PARP11: variants seen among roughly 807,000 people sequenced by gnomAD.
PARP11 encodes the protein poly(ADP-ribose) polymerase family member 11, also known as protein mono-ADP-ribosyltransferase PARP11.
Under a neutral mutation model 42.9 loss-of-function variants are expected in PARP11, and 31 were observed. The observed-to-expected ratio is 0.72, with a 90% CI of 0.54 to 0.98. PARP11 has a LOEUF of 0.98. PARP11 is among the 50% of genes least tolerant of loss of function. PARP11 has a pLI of 0.00. For missense variants in PARP11, 365 were observed against 413.1 expected, an observed-to-expected ratio of 0.88 and a Z score of 1.01; for synonymous variants, 137 against 127.3, an observed-to-expected ratio of 1.08 and a Z score of -0.51.
At chr12:3,838,453 T>A (rs1265193185) in intron 1 of PARP11, among the ~76,000 whole-genome samples, 1 of 151,824 alleles carries the variant, frequency 6.6e-6, no homozygotes, top group Admixed American at 6.6e-5. Context: ...ACAAAAGCAG[T>A]ACTAAAAGAG....
chr12:3,861,569 T>C lies in PARP11; in HGVS notation c.18+11643A>G, dbSNP rs1948291426. Among the ~76,000 whole-genome samples the C allele has an allele frequency of 6.6e-6, 1 of 152,242 alleles. No individual in the cohort carries two copies. Among genetic ancestry groups the C allele is most frequent in the Admixed American group, 6.5e-5 (1 of 15,286 alleles). ...GTTCTTAATATATTCTATGTACAAGTCATTTATCAGATATATGCTTTTTAA... is the reference window on the plus strand; with the variant it reads ...GTTCTTAATATATTCTATGTACAAGCCATTTATCAGATATATGCTTTTTAA... On this transcript the variant is annotated intron_variant, in intron 1 of 7. Transcript: ENST00000228820. This position sits in a 1 kb window ranked among gnomAD's most constrained non-coding sequence, Gnocchi z 4.6.
chr12:3,858,634 C>CAA (rs1948235559), intron 1 of PARP11, among the ~76,000 whole-genome samples: 1 of 152,210 alleles, frequency 6.6e-6, no homozygotes, highest in African/African-American at 2.4e-5. Flanking sequence ...CAAAACACAG[C>CAA]ATCATAGGTG....
Position 3,814,048 on chromosome 12 carries a change from A to G in PARP11, c.689T>C (p.Val230Ala), listed in dbSNP as rs775879028. 36 of 1,558,128 alleles carry G rather than the reference A, an allele frequency of 2.3e-5. No homozygotes were observed. Among genetic ancestry groups the G allele is most frequent in the Non-Finnish European group, 3.1e-5 (36 of 1,145,914 alleles). The change falls in exon 7 of 8, where the codon GTC becomes GCC. Residue 230 changes from valine to alanine, a missense_variant. Coordinates refer to ENST00000228820, the MANE Select transcript of PARP11 (RefSeq NM_020367.6). ...DWRINGIHGA[V>A]FGKGTYFARD... is the part of the protein sequence containing the mutation. ...ATTCTGATAATTACCTTTTCCAAAG[A>G]CAGCACCATGTATACCATTTATTCT...
At chr12:3,841,511 T>C in intron 1 of PARP11, 3 of 1,561,832 alleles carry the variant, frequency 1.9e-6, no homozygotes, top group Middle Eastern at 1.7e-4. Context: ...AATGGTCAAA[T>C]GCTACAGCCA....
intron 1 of PARP11, among the ~76,000 whole-genome samples, chr12:3,850,570 G>A (rs544389619): frequency 4.0e-4 from 61 of 152,278 alleles, no homozygotes; most frequent in African/African-American, 1.5e-3. Flanking sequence ...AATGGTATAT[G>A]TACAGGCTGG....
intron 1 of PARP11, among the ~76,000 whole-genome samples, chr12:3,849,945 C>T (rs1209180752): frequency 1.3e-5 from 2 of 151,802 alleles, no homozygotes; most frequent in South Asian, 2.1e-4. Flanking sequence ...ATATGTATAT[C>T]GATTATGTAT....
Position 3,809,843 on chromosome 12 carries a change from A to G in PARP11, c.*2280T>C, listed in dbSNP as rs1947133600. On this transcript the variant is annotated 3_prime_UTR_variant, in exon 8 of 8. Coordinates refer to ENST00000228820, the MANE Select transcript of PARP11 (RefSeq NM_020367.6). ...TCCAATTATTTTCATGATAATCTCT[A>G]GATGCTTTTTAAAGCGCTTTTTCTA... 6.6e-6 allele frequency: 1 copy of G among 152,198 alleles called. No homozygotes were observed. Among genetic ancestry groups the G allele is most frequent in the Non-Finnish European group, 1.5e-5 (1 of 68,038 alleles). The allele number at this position is 152,198 out of a possible 1,614,324, so 9.4% of individuals were successfully genotyped here.
Position 3,813,467 on chromosome 12 carries a change from A to AT in PARP11, c.700+569dup, listed in dbSNP as rs1299574092. The stretch of plus-strand genomic sequence containing the variant: ...ACAAGAGATAGACATCATTAAGGGC[A>AT]TTCTTACTCTAAAAAAATGTGGAAA... On this transcript the variant is annotated intron_variant, in intron 7 of 7. Transcript: ENST00000228820. Among the ~76,000 whole-genome samples, 7 of 152,354 alleles carry AT rather than the reference A, an allele frequency of 4.6e-5. No homozygotes were observed. The East Asian group carries it at 1.2e-3, about 25-fold the overall frequency.
In PARP11 at chr12:3,810,715, GAAGAGAAAGAGA is replaced by G. The variant is rs200307166; in HGVS notation, c.*1396_*1407del. 9 of 142,840 alleles carry G rather than the reference GAAGAGAAAGAGA, an allele frequency of 6.3e-5. No individual in the cohort carries two copies. The highest frequency in any genetic ancestry group is 7.5e-5 in the Non-Finnish European group (5 of 66,574). The allele number at this position is 142,840 out of a possible 1,614,324, so 8.8% of individuals were successfully genotyped here. A position where few individuals can be genotyped will look rare whatever the true frequency, so the allele number is the denominator to read the frequency against. ...AGAAGGAAGGAAGAGAGAGAGAAGA[GAAGAGAAAGAGA>G]AAGAGAAAGAGGAAGAGAAAAAGGA... On this transcript the variant is annotated 3_prime_UTR_variant, in exon 8 of 8. Transcript: ENST00000228820.
rs76199683 is a variant in PARP11 at position 3,836,344 on chromosome 12, A to G, written c.19-6326T>C. ...ATAAAGTAAAAAACAAACAAAAAAA[A>G]AGCGCCTATCAACCAAGAATCTTAT... On this transcript the variant is annotated intron_variant, in intron 1 of 7. Transcript: ENST00000228820. Among the ~76,000 whole-genome samples, 686 of 152,192 alleles carry G rather than the reference A, an allele frequency of 4.5e-3. 3 individuals carry two copies. Among genetic ancestry groups the G allele is most frequent in the Non-Finnish European group, 7.4e-3 (501 of 68,014 alleles).
At chr12:3,834,749 C>A (rs1485923586) in intron 1 of PARP11, among the ~76,000 whole-genome samples, 2 of 151,528 alleles carry the variant, frequency 1.3e-5, no homozygotes, top group Non-Finnish European at 2.9e-5. Flanking sequence ...AAGTTTAATG[C>A]AGAGAACCAG....
chr12:3,840,729 T>C lies in PARP11; in HGVS notation c.19-10711A>G. On this transcript the variant is annotated intron_variant, in intron 1 of 7. Transcript: ENST00000228820. This position sits in a 1 kb window ranked among gnomAD's most constrained non-coding sequence, Gnocchi z 4.4. ...GAAGAACGAAAAGACAAAGACTCTATTCATGGACATAGTTGGATAAAAGAC... is the reference window on the plus strand; with the variant it reads ...GAAGAACGAAAAGACAAAGACTCTACTCATGGACATAGTTGGATAAAAGAC... 2 of 1,288,806 alleles carry C rather than the reference T, an allele frequency of 1.6e-6. No homozygotes were observed. The highest frequency in any genetic ancestry group is 2.3e-6 in the Non-Finnish European group (2 of 883,192). 79.8% of individuals were successfully genotyped at this position (1,288,806 alleles called of 1,614,324 possible).
chr12:3,841,626 C>T, intron 1 of PARP11: 6 of 1,613,476 alleles, frequency 3.7e-6, no homozygotes, highest in Middle Eastern at 1.7e-4. Context: ...AATCTGAGAC[C>T]CCTGGGCAGC....
At position 3,822,087 on chromosome 12, in the gene PARP11, G is replaced by T; in HGVS notation, c.415C>A (p.Gln139Lys). The change falls in exon 5 of 8, where the codon CAG (glutamine) becomes AAG (lysine). Residue 139 changes from glutamine to lysine, a missense_variant and splice_region_variant. Coordinates refer to ENST00000228820, the MANE Select transcript of PARP11 (RefSeq NM_020367.6). The part of the protein sequence containing the change: ...WENVNTQVPY[Q>K]LIPLHNQTHE... ...TATTCAGTCAATTCTGCTCTTACCTGATATGGTACTTGAGTATTCACATTC... is the reference window on the plus strand; with the variant it reads ...TATTCAGTCAATTCTGCTCTTACCTTATATGGTACTTGAGTATTCACATTC... 6.2e-7 allele frequency: 1 copy of T among 1,613,234 alleles called. No homozygotes were observed. Among genetic ancestry groups the T allele is most frequent in the Non-Finnish European group, 8.5e-7 (1 of 1,179,332 alleles).
At chr12:3,815,537 C>A (rs562049744) in intron 6 of PARP11, among the ~76,000 whole-genome samples, 1 of 152,248 alleles carries the variant, frequency 6.6e-6, no homozygotes, top group African/African-American at 2.4e-5. Context: ...TTTCTTTATC[C>A]CAACAGTCTT....
chr12:3,815,306 G>T (rs1947263686), intron 6 of PARP11, among the ~76,000 whole-genome samples: 1 of 152,206 alleles, frequency 6.6e-6, no homozygotes, highest in Non-Finnish European at 1.5e-5. Flanking sequence ...TTTGTGATCA[G>T]CTGTAATAGT....
intron 1 of PARP11, 64 bp downstream of exon 1, chr12:3,873,148 C>A: frequency 1.5e-6 from 2 of 1,367,432 alleles, no homozygotes; most frequent in South Asian, 1.2e-5. Flanking sequence ...TCCGGTGACC[C>A]CCTCCCGCCC....
intron 1 of PARP11, among the ~76,000 whole-genome samples, chr12:3,835,479 G>A (rs1947741717): frequency 6.6e-6 from 1 of 152,018 alleles, no homozygotes; most frequent in African/African-American, 2.4e-5. Context: ...AAAATTATGA[G>A]ACATAAAAAA....
intron 1 of PARP11, among the ~76,000 whole-genome samples, chr12:3,831,179 C>G (rs1160893458): frequency 6.6e-6 from 1 of 152,106 alleles, no homozygotes; most frequent in African/African-American, 2.4e-5. Flanking sequence ...ACTTCCATTC[C>G]TGGTACCTTC....
Sources: gnomAD v4.1 joint callset for allele counts (sites outside exome capture counted in the v4.1 genomes callset) on GRCh38, gnomAD v4.1.1 for gene constraint, Gnocchi (gnomAD v3.1) non-coding constraint, MANE v1.5 for transcripts, NCBI Gene and HGNC (gene_info 2026-07-23, HGNC 2026-07-21) for gene names.